DHX9: variants seen among roughly 807,000 people sequenced by gnomAD.
DHX9 encodes DExH-box helicase 9.
A neutral mutation model predicts 148.7 loss-of-function variants in DHX9; 27 were observed. That is an observed-to-expected ratio of 0.18 (90% confidence interval 0.13 to 0.25). The LOEUF is 0.25. DHX9 is among the 10% of genes least tolerant of loss of function. The pLI is 1.00. For synonymous variants in DHX9, 529 were observed against 516.6 expected, an observed-to-expected ratio of 1.02 and a Z score of -0.33; for missense variants, 796 against 1,559.6, an observed-to-expected ratio of 0.51 and a Z score of 8.25.
At chr1:182,860,320 T>G in intron 12 of DHX9, 136 bp downstream of exon 12, 1 of 750,890 alleles carries the variant, frequency 1.3e-6, no homozygotes, top group Non-Finnish European at 2.0e-6. Context: ...AAAGAAAACA[T>G]AAAAACAACG....
intron 3 of DHX9, among the ~76,000 whole-genome samples, chr1:182,851,990 A>G (rs1203446892): frequency 1.3e-5 from 2 of 152,200 alleles, no homozygotes; most frequent in Non-Finnish European, 2.9e-5. Context: ...AAGTACAGAA[A>G]TGAGTAAACA....
At chr1:182,842,705 G>C in intron 2 of DHX9, 28 bp downstream of exon 2, 1 of 1,559,798 alleles carries the variant, frequency 6.4e-7, no homozygotes, top group Non-Finnish European at 8.8e-7. Context: ...TTGCATTTAT[G>C]TGATTTATGA....
At chr1:182,846,437 T>A (rs1263308260) in intron 3 of DHX9, among the ~76,000 whole-genome samples, 3 of 152,216 alleles carry the variant, frequency 2.0e-5, no homozygotes, top group African/African-American at 7.2e-5. Context: ...TTTCTCCATG[T>A]TGGTCAGGCT....
intron 3 of DHX9, among the ~76,000 whole-genome samples, chr1:182,850,252 A>G (rs534918933): frequency 8.5e-4 from 130 of 152,100 alleles, no homozygotes; most frequent in Non-Finnish European, 3.8e-4. Flanking sequence ...GTACTTGACT[A>G]TTATCTAGGC....
chr1:182,867,363 T>C (rs559948281), intron 14 of DHX9, among the ~76,000 whole-genome samples: 2 of 152,314 alleles, frequency 1.3e-5, no homozygotes, highest in East Asian at 3.9e-4. Context: ...ATGATTCGTT[T>C]TTCTTTGATT....
At chr1:182,856,951 G>A (rs1267591929) in intron 7 of DHX9, among the ~76,000 whole-genome samples, 1 of 152,092 alleles carries the variant, frequency 6.6e-6, no homozygotes, top group East Asian at 1.9e-4. Context: ...CCAGGTTCAC[G>A]CCATTCTCCT....
At chr1:182,877,071 A>AT (rs3831266) in intron 19 of DHX9, 168 bp downstream of exon 19, 79,461 of 510,058 alleles carry the variant, frequency 0.16, 11,313 homozygotes, top group African/African-American at 0.55. Flanking sequence ...AAGAGTAATT[A>AT]TTGTTGATTA....
intron 1 of DHX9, among the ~76,000 whole-genome samples, chr1:182,841,075 A>ACTCT (rs2102584638): frequency 6.6e-6 from 1 of 152,204 alleles, no homozygotes; most frequent in East Asian, 1.9e-4. Context: ...GCCGATCAAG[A>ACTCT]GGTCAGGAGA....
At chr1:182,858,048 T>A in intron 7 of DHX9, 56 bp from the exon 8 acceptor site, 1 of 1,559,554 alleles carries the variant, frequency 6.4e-7, no homozygotes, top group East Asian at 2.3e-5. Context: ...TGTGATAAGA[T>A]GTTTCTTTAC....
In DHX9 at chr1:182,866,957, C is replaced by T; in HGVS notation, c.1475-4C>T. On this transcript the variant is annotated splice_region_variant and splice_polypyrimidine_tract_variant and intron_variant, in intron 13 of 27. Transcript: ENST00000367549. ...ATAGTTTATTGATTGTTTTTCTTTT[C>T]AAGGTGTGCTCCTGAGAAAATTAGA... The T allele has an allele frequency of 6.2e-7, 1 of 1,600,500 alleles. No homozygotes were observed. The highest frequency in any genetic ancestry group is 1.9e-4 in the Middle Eastern group (1 of 5,180).
rs1308417808 is a variant in DHX9, at chr1:182,852,335, C to T, written c.355C>T (p.Leu119Phe). The change falls in exon 4 of 28, where the codon CTC becomes TTC. Residue 119 changes from leucine (L) to phenylalanine (F), a missense_variant. Around this residue, in one of 14 missense-constraint regions of DHX9, gnomAD observed 89 missense variants for 77.5 expected, o/e 1.15. Transcript: ENST00000367549. Reference sequence around the variant, plus strand: ...AGGACCTCTTCCTCCACATCTGGCTCTCAAAGCAGGTAAGGGACTTGAATC... The same window carrying T: ...AGGACCTCTTCCTCCACATCTGGCTTTCAAAGCAGGTAAGGGACTTGAATC... ...MGGPLPPHLA[L>F]KAENNSEVGA... The T allele has an allele frequency of 6.2e-7, 1 of 1,610,020 alleles. No homozygotes were observed. Among genetic ancestry groups the T allele is most frequent in the Non-Finnish European group, 8.5e-7 (1 of 1,178,040 alleles).
chr1:182,840,934 T>A (rs1414709265), intron 1 of DHX9, among the ~76,000 whole-genome samples: 1 of 152,152 alleles, frequency 6.6e-6, no homozygotes, highest in East Asian at 1.9e-4. Flanking sequence ...TTGACTGAGA[T>A]GCCAAGTTAG....
intron 26 of DHX9, among the ~76,000 whole-genome samples, chr1:182,884,178 G>A (rs113503908): frequency 0.038 from 5,816 of 152,134 alleles, 343 homozygotes; most frequent in African/African-American, 0.13. Context: ...GGAGGCTGAG[G>A]CAGGAGAATC....
At chr1:182,855,309 C>T (rs938894134) in intron 6 of DHX9, among the ~76,000 whole-genome samples, 5 of 152,158 alleles carry the variant, frequency 3.3e-5, no homozygotes, top group Admixed American at 6.5e-5. Flanking sequence ...TGAAGCTCAT[C>T]GTTGCAGACA....
Position 182,867,100 on chromosome 1 carries a change from C to A in DHX9, c.1557+57C>A, listed in dbSNP as rs535975503. 28 of 1,058,908 alleles carry A rather than the reference C, an allele frequency of 2.6e-5. No homozygotes were observed. The South Asian group carries it at 5.5e-4, about 21-fold the overall frequency. The allele number at this position is 1,058,908 out of a possible 1,614,324, so 65.6% of individuals were successfully genotyped here. The stretch of plus-strand genomic sequence containing the variant: ...TAATTCTGCTATTTCTAAGAGAAAT[C>A]AGTAGAATGTCTTTGTTTTCCCTTT... On this transcript the variant is annotated intron_variant, in intron 14 of 27. Transcript: ENST00000367549.
chr1:182,860,374 C>A, intron 12 of DHX9, 190 bp downstream of exon 12: 1 of 414,562 alleles, frequency 2.4e-6, no homozygotes, highest in Non-Finnish European at 4.2e-6. Context: ...ATAAGCTAAA[C>A]TGGACTATGT....
chr1:182,842,443 A>G, intron 1 of DHX9, 102 bp from the exon 2 acceptor site: 1 of 615,404 alleles, frequency 1.6e-6, no homozygotes, highest in East Asian at 2.9e-5. Context: ...GCAACATGAT[A>G]GAATATCCTA....
At chr1:182,841,628 A>G (rs922723472) in intron 1 of DHX9, among the ~76,000 whole-genome samples, 1 of 152,256 alleles carries the variant, frequency 6.6e-6, no homozygotes, top group African/African-American at 2.4e-5. Context: ...CTTAGGTGCT[A>G]ACAAAATGCA....
chr1:182,859,169 G>T (rs771154094), intron 11 of DHX9, 52 bp downstream of exon 11: 1 of 1,538,910 alleles, frequency 6.5e-7, no homozygotes, highest in South Asian at 1.1e-5. Flanking sequence ...GAATGTTCTA[G>T]GTATGGGTAA....
Sources: gnomAD v4.1 joint callset for allele counts (sites outside exome capture counted in the v4.1 genomes callset) on GRCh38, gnomAD v4.1.1 for gene constraint, gnomAD v4.1.1 regional missense constraint, MANE v1.5 for transcripts, NCBI Gene and HGNC (gene_info 2026-07-23, HGNC 2026-07-21) for gene names.